Variants in PDE8B observed in about 807,000 individuals in gnomAD.
PDE8B encodes the protein phosphodiesterase 8B.
A neutral mutation model predicts 101.3 loss-of-function variants in PDE8B; 26 were observed. That is an observed-to-expected ratio of 0.26 (90% CI 0.19 to 0.36). PDE8B has a LOEUF of 0.36. PDE8B is among the 10% of genes least tolerant of loss of function. The pLI is 1.00. For synonymous variants in PDE8B, 424 were observed against 429.3 expected (o/e 0.99, Z 0.15); for missense variants, 810 against 1,163.1 (o/e 0.70, Z 4.42).
the PDE8B span, among the ~76,000 whole-genome samples, chr5:77,149,024 T>A: frequency 6.6e-6 from 1 of 152,216 alleles, no homozygotes; most frequent in African/African-American, 2.4e-5. Context: ...TGTGATCCAT[T>A]TTTAATTCAT....
chr5:77,165,607 C>A, the PDE8B span: 1 of 152,482 alleles, frequency 6.6e-6, no homozygotes, highest in Non-Finnish European at 1.5e-5. Context: ...AAACCTTCTC[C>A]CTACTGGCAT....
At chr5:77,229,789 C>G (rs1257318832) in intron 1 of PDE8B, among the ~76,000 whole-genome samples, 1 of 152,212 alleles carries the variant, frequency 6.6e-6, no homozygotes, top group Non-Finnish European at 1.5e-5. Flanking sequence ...TCTTGACTGT[C>G]AAATAATATT....
At chr5:77,353,546 T>A in intron 10 of PDE8B, 140 bp downstream of exon 10, 1 of 700,406 alleles carries the variant, frequency 1.4e-6, no homozygotes, top group Non-Finnish European at 2.6e-6. Flanking sequence ...TATGGGAAAA[T>A]TTGGTTCCTC....
chr5:77,396,773 A>ATCTT (rs1278289008), intron 10 of PDE8B, among the ~76,000 whole-genome samples: 19 of 152,112 alleles, frequency 1.2e-4, no homozygotes, highest in Admixed American at 6.6e-5. Context: ...ATCAAAACAC[A>ATCTT]TCTTTCTTTC....
chr5:77,247,962 G>A (rs969242124), intron 1 of PDE8B, among the ~76,000 whole-genome samples: 1 of 152,142 alleles, frequency 6.6e-6, no homozygotes, highest in Admixed American at 6.5e-5. Flanking sequence ...TTACAAGCAG[G>A]TAAACAGAAA....
intron 19 of PDE8B, 64 bp downstream of exon 19, chr5:77,419,951 C>T: frequency 6.3e-7 from 1 of 1,577,994 alleles, no homozygotes; most frequent in South Asian, 1.1e-5. Context: ...CCTGCTCTGG[C>T]CCTGAAGCAT....
chr5:77,236,264 G>C (rs1288282501), intron 1 of PDE8B, among the ~76,000 whole-genome samples: 3 of 152,166 alleles, frequency 2.0e-5, no homozygotes, highest in African/African-American at 7.2e-5. Context: ...AGAGGACAAG[G>C]TTCTAGCTAC....
intron 19 of PDE8B, among the ~76,000 whole-genome samples, chr5:77,421,276 C>G (rs1796577712): frequency 2.0e-5 from 3 of 152,108 alleles, no homozygotes; most frequent in Admixed American, 2.0e-4. Context: ...CTTAGGAGAA[C>G]CAAAGTGCGA....
chr5:77,267,811 A>G (rs1000311302), intron 1 of PDE8B, among the ~76,000 whole-genome samples: 7 of 152,214 alleles, frequency 4.6e-5, no homozygotes, highest in South Asian at 2.1e-4. Flanking sequence ...ATTACAAGAG[A>G]TTGCTTACAA....
intron 8 of PDE8B, 85 bp from the exon 9 acceptor site, chr5:77,350,980 T>C (rs1235665594): frequency 2.1e-6 from 2 of 938,088 alleles, no homozygotes; most frequent in African/African-American, 3.2e-5. Context: ...TGTGGGAATG[T>C]TCCTTCTCAG....
chr5:77,310,384 G>A (rs1772324427), intron 1 of PDE8B, among the ~76,000 whole-genome samples: 2 of 152,372 alleles, frequency 1.3e-5, no homozygotes, highest in Admixed American at 6.5e-5. Context: ...AGCAGGTTCT[G>A]GTGCTGGTCC....
chr5:77,238,086 C>T (rs1250217841), intron 1 of PDE8B, among the ~76,000 whole-genome samples: 2 of 152,190 alleles, frequency 1.3e-5, no homozygotes, highest in East Asian at 1.9e-4. Context: ...TGGAGTTTAT[C>T]GTGTTTTGAG....
At chr5:77,090,467 G>A in the PDE8B span, among the ~76,000 whole-genome samples, 1 of 152,110 alleles carries the variant, frequency 6.6e-6, no homozygotes, top group Non-Finnish European at 1.5e-5. Flanking sequence ...TAGAGACGGG[G>A]TTTCACTGTG....
At chr5:77,280,565 G>T (rs752308281) in intron 1 of PDE8B, among the ~76,000 whole-genome samples, 1 of 152,184 alleles carries the variant, frequency 6.6e-6, no homozygotes, top group Non-Finnish European at 1.5e-5. Context: ...AGCACTTATT[G>T]TCAGTTTTTT....
chr5:77,425,627 T>C (rs1215232959), intron 20 of PDE8B, 140 bp from the exon 21 acceptor site: 16 of 821,218 alleles, frequency 1.9e-5, no homozygotes, highest in Middle Eastern at 6.7e-4. Flanking sequence ...TACGTAAGTC[T>C]GAGGACCTTG....
chr5:77,321,641 A>C (rs1775103717), intron 2 of PDE8B, among the ~76,000 whole-genome samples: 1 of 152,204 alleles, frequency 6.6e-6, no homozygotes, highest in Non-Finnish European at 1.5e-5. Flanking sequence ...AGAGCTAGGC[A>C]GATATTTTTA....
At chr5:77,282,236 C>G (rs1765150563) in intron 1 of PDE8B, among the ~76,000 whole-genome samples, 1 of 152,076 alleles carries the variant, frequency 6.6e-6, no homozygotes, top group South Asian at 2.1e-4. Context: ...GTGGTCCCAG[C>G]TTCTTTTCTT....
chr5:77,291,777 C>T, intron 1 of PDE8B: 1 of 1,578,504 alleles, frequency 6.3e-7, no homozygotes, highest in Non-Finnish European at 8.7e-7. Flanking sequence ...AGACTTTCCT[C>T]TGGCCCAAGG....
the PDE8B span, among the ~76,000 whole-genome samples, chr5:77,169,433 C>T: frequency 6.6e-6 from 1 of 152,122 alleles, no homozygotes; most frequent in African/African-American, 2.4e-5. Context: ...CTGAGGTGGA[C>T]CCCAAGAATT....
Sources: gnomAD v4.1 joint callset for allele counts (sites outside exome capture counted in the v4.1 genomes callset) on GRCh38, gnomAD v4.1.1 for gene constraint, MANE v1.5 for transcripts, NCBI Gene and HGNC (gene_info 2026-07-23, HGNC 2026-07-21) for gene names.